The following SLC41A3 variants were observed in gnomAD, a reference collection of about 807,000 sequenced individuals.
SLC41A3 encodes SLC41A1-like 2.
Under a neutral mutation model 45.4 loss-of-function variants are expected in SLC41A3, and 44 were observed. The ratio of observed to expected loss-of-function variants is 0.97; its 90% CI spans 0.76 to 1.25. SLC41A3 has a LOEUF of 1.25. Ranked by LOEUF, SLC41A3 falls within the 50% of genes most tolerant of loss-of-function variation. The pLI is 0.00. For synonymous variants in SLC41A3, 256 were observed against 252.4 expected (o/e 1.01, Z -0.13); for missense variants, 550 against 600.6 (o/e 0.92, Z 0.88).
Position 126,050,923 on chromosome 3 carries a change from A to C in SLC41A3, c.381+20T>G, listed in dbSNP as rs1559858792. On this transcript the variant is annotated intron_variant, in intron 3 of 10. Transcript: ENST00000360370. ...CTGCCTCACGTTGTGGCCGCCTCGA[A>C]TGTCCAGGTGTCCACTTACAGCTGT... The C allele has an allele frequency of 1.9e-6, 3 of 1,604,950 alleles. No individual in the cohort carries two copies. The highest frequency in any genetic ancestry group is 2.6e-6 in the Non-Finnish European group (3 of 1,175,226).
chr3:126,037,083 G>C (rs1308046393), intron 3 of SLC41A3, among the ~76,000 whole-genome samples: 1 of 152,162 alleles, frequency 6.6e-6, no homozygotes, highest in Non-Finnish European at 1.5e-5. Context: ...TGGGTCATGG[G>C]GGCAGATCCC....
At chr3:126,090,073 G>GT (rs1196833755) in intron 1 of SLC41A3, among the ~76,000 whole-genome samples, 3 of 98,814 alleles carry the variant, frequency 3.0e-5, no homozygotes, top group African/African-American at 1.2e-4. Flanking sequence ...AGTGAAGTAT[G>GT]TTTTTTAAGC....
At chr3:126,050,726 G>C (rs549062652) in intron 3 of SLC41A3, among the ~76,000 whole-genome samples, 1 of 152,182 alleles carries the variant, frequency 6.6e-6, no homozygotes, top group Non-Finnish European at 1.5e-5. Context: ...GGGGCAAACA[G>C]GGTTGTGCAC....
intron 1 of SLC41A3, among the ~76,000 whole-genome samples, chr3:126,090,140 T>C (rs1945464125): frequency 6.6e-6 from 1 of 151,358 alleles, no homozygotes. Context: ...TATGACAATA[T>C]AGTTATTTGT....
At chr3:126,056,764 G>A (rs1343717565) in intron 2 of SLC41A3, 1 of 1,398,480 alleles carries the variant, frequency 7.2e-7, no homozygotes, top group East Asian at 2.6e-5. Context: ...AGGCCAGTGT[G>A]ACTCACGGCC....
At chr3:126,039,100 G>T (rs1379099458) in intron 3 of SLC41A3, among the ~76,000 whole-genome samples, 1 of 152,138 alleles carries the variant, frequency 6.6e-6, no homozygotes, top group Non-Finnish European at 1.5e-5. Context: ...GCAGATGCTG[G>T]CACCATGCTT....
At chr3:126,036,251 C>A (rs1445185715) in intron 3 of SLC41A3, among the ~76,000 whole-genome samples, 1 of 152,240 alleles carries the variant, frequency 6.6e-6, no homozygotes, top group Non-Finnish European at 1.5e-5. Flanking sequence ...CTCGGGCCTG[C>A]TCTCCCTTGC....
At chr3:126,029,664 C>T (rs992077147) in intron 4 of SLC41A3, among the ~76,000 whole-genome samples, 1 of 152,160 alleles carries the variant, frequency 6.6e-6, no homozygotes, top group African/African-American at 2.4e-5. Context: ...AAAGTCCCAA[C>T]AAGATCTTTC....
At chr3:126,070,146 C>T (rs1049580979) in intron 1 of SLC41A3, 21 of 152,192 alleles carry the variant, frequency 1.4e-4, no homozygotes, top group African/African-American at 4.8e-4. Context: ...AGAGAGCACA[C>T]CAAGACCTGC....
At chr3:126,099,931 A>G (rs4020395) in intron 1 of SLC41A3, among the ~76,000 whole-genome samples, 104,444 of 151,466 alleles carry the variant, frequency 0.69, 36,810 homozygotes, top group African/African-American at 0.84. Flanking sequence ...GGCAGAGGGA[A>G]TAGCGGCCTT....
chr3:126,064,302 C>T (rs1008924862), intron 2 of SLC41A3, among the ~76,000 whole-genome samples: 1 of 152,130 alleles, frequency 6.6e-6, no homozygotes, highest in African/African-American at 2.4e-5. Context: ...CTCCACATCC[C>T]CGAGGAGCAC....
rs772081411 is a variant in SLC41A3 at position 126,026,294 on chromosome 3, G to A, written c.598+41C>T. On this transcript the variant is annotated intron_variant, in intron 5 of 10. Transcript: ENST00000360370. The surrounding 1 kb of genome is among the most constrained non-coding windows in gnomAD (Gnocchi z 4.2). Reference sequence around the variant, plus strand: ...AGCTCTGAGGTGGGACCTCAGAGGAGCAGGGAGCGGGTGGGGGCTCACAGC... The same window carrying A: ...AGCTCTGAGGTGGGACCTCAGAGGAACAGGGAGCGGGTGGGGGCTCACAGC... The A allele has an allele frequency of 1.0e-5, 16 of 1,550,768 alleles. No homozygotes were observed. The Admixed American group carries it at 1.2e-4, about 11-fold the overall frequency.
At chr3:126,087,608 A>G (rs535584384), upstream of SLC41A3, among the ~76,000 whole-genome samples, 7 of 152,064 alleles carry the variant, frequency 4.6e-5, no homozygotes, top group South Asian at 1.2e-3. Flanking sequence ...ATAAAGAGGT[A>G]ATTTTTGGTA....
At chr3:126,014,639 G>C (rs1158214678) in intron 8 of SLC41A3, among the ~76,000 whole-genome samples, 2 of 152,240 alleles carry the variant, frequency 1.3e-5, no homozygotes, top group African/African-American at 4.8e-5. Flanking sequence ...CCACTGACAT[G>C]CAAGGAATAA....
At chr3:126,070,757 C>T (rs1944580964) in intron 1 of SLC41A3, among the ~76,000 whole-genome samples, 1 of 151,954 alleles carries the variant, frequency 6.6e-6, no homozygotes, top group African/African-American at 2.4e-5. Flanking sequence ...TCTTTAAGGC[C>T]GAATTAGGAT....
intron 3 of SLC41A3, among the ~76,000 whole-genome samples, chr3:126,044,944 C>T (rs1942866987): frequency 7.1e-6 from 1 of 140,348 alleles, no homozygotes; most frequent in Non-Finnish European, 1.5e-5. Flanking sequence ...GTATATTTTC[C>T]AATCACAAGG....
At chr3:126,087,053 T>C (rs777728168), upstream of SLC41A3, among the ~76,000 whole-genome samples, 12 of 152,182 alleles carry the variant, frequency 7.9e-5, no homozygotes, top group Non-Finnish European at 1.6e-4. Flanking sequence ...TTGTTTGCAT[T>C]TATTGATCAA....
chr3:126,044,526 G>T (rs13070081), intron 3 of SLC41A3, among the ~76,000 whole-genome samples: 34,837 of 152,092 alleles, frequency 0.23, 4,269 homozygotes, highest in Non-Finnish European at 0.27. Flanking sequence ...TCAATGAAAT[G>T]TGAACATGAA....
chr3:126,085,826 G>A (rs1297042550), upstream of SLC41A3, among the ~76,000 whole-genome samples: 1 of 151,936 alleles, frequency 6.6e-6, no homozygotes, highest in South Asian at 2.1e-4. Context: ...AGTGTCTGGG[G>A]GGGGGTTGAC....
Sources: allele counts gnomAD v4.1 joint callset (sites outside exome capture counted in the v4.1 genomes callset), GRCh38; gene constraint gnomAD v4.1.1; non-coding constraint Gnocchi (gnomAD v3.1); transcripts MANE v1.5; gene names NCBI Gene and HGNC (gene_info 2026-07-23, HGNC 2026-07-21).